The following KCNA6 variants were observed in gnomAD, a reference collection of about 807,000 sequenced individuals.
The protein encoded by KCNA6 is potassium voltage-gated channel subfamily A member 6.
KCNA6 carries 17 observed loss-of-function variants against 29.5 expected under a neutral mutation model. The observed-to-expected ratio is 0.58, with a 90% CI of 0.39 to 0.86. The LOEUF is 0.86. Among genes scored for constraint, KCNA6 ranks in the 40% least tolerant of loss-of-function variants. The pLI, the probability that KCNA6 is intolerant of heterozygous loss-of-function variation, is 0.00. For synonymous variants in KCNA6, 296 were observed against 304.7 expected (o/e 0.97, Z 0.30); for missense variants, 450 against 703.4 (o/e 0.64, Z 4.07).
chr12:4,810,775 C>T lies in KCNA6; in HGVS notation c.734C>T (p.Thr245Ile). Residue 245 changes from threonine (T) to isoleucine (I), a missense_variant, in exon 1 of 1, where the codon ACC (threonine) becomes ATC (isoleucine). Thr to Ile is a moderately conservative substitution (Grantham distance 89, BLOSUM62 -1). Transcript: ENST00000280684. The surrounding 1 kb of genome is among the most constrained non-coding windows in gnomAD (Gnocchi z 7.5). The stretch of plus-strand genomic sequence containing the variant: ...GGCATCACCCCTGGGGAAATGGGGA[C>T]CGGGGGCTCCTCCTCACTCAGTACT... 2 of 1,596,046 alleles carry T rather than the reference C, an allele frequency of 1.3e-6. No homozygotes were observed. Among genetic ancestry groups the T allele is most frequent in the Non-Finnish European group, 1.7e-6 (2 of 1,171,424 alleles).
chr12:4,846,548 A>G, the KCNA6 span, among the ~76,000 whole-genome samples: 2 of 152,002 alleles, frequency 1.3e-5, no homozygotes, highest in Non-Finnish European at 2.9e-5. Flanking sequence ...GGAGTTACTG[A>G]ACATCTTCTT....
the KCNA6 span, among the ~76,000 whole-genome samples, chr12:4,827,457 G>A: frequency 6.6e-6 from 1 of 152,330 alleles, no homozygotes; most frequent in East Asian, 1.9e-4. Flanking sequence ...ATATTAAGGA[G>A]AAGCAGGGGA....
chr12:4,843,329 C>T, the KCNA6 span, among the ~76,000 whole-genome samples: 9 of 151,922 alleles, frequency 5.9e-5, no homozygotes, highest in South Asian at 6.3e-4. Context: ...TACAGGCACC[C>T]GCCACCACGC....
downstream of KCNA6, among the ~76,000 whole-genome samples, chr12:4,815,464 A>G (rs1946673199): frequency 6.6e-6 from 1 of 152,164 alleles, no homozygotes; most frequent in African/African-American, 2.4e-5. Flanking sequence ...GGAGAGAATG[A>G]CCCTGAGAAG....
At chr12:4,840,237 A>G in the KCNA6 span, among the ~76,000 whole-genome samples, 1 of 70,398 alleles carries the variant, frequency 1.4e-5, no homozygotes, top group Non-Finnish European at 3.2e-5. Flanking sequence ...CTATCTATCT[A>G]TCTATCTCCT....
At chr12:4,809,789 T>G (rs2137569829) in exon 1 of KCNA6, 1 of 457,108 alleles carries the variant, frequency 2.2e-6, no homozygotes. Context: ...CAGTAAGCTC[T>G]AGCACCCGGG....
the KCNA6 span, among the ~76,000 whole-genome samples, chr12:4,847,116 C>T: frequency 1.3e-5 from 2 of 152,014 alleles, no homozygotes; most frequent in African/African-American, 4.8e-5. Flanking sequence ...CAAAGATTTC[C>T]CTCTGCCTCT....
chr12:4,847,400 A>G, the KCNA6 span, among the ~76,000 whole-genome samples: 3 of 151,960 alleles, frequency 2.0e-5, no homozygotes, highest in Non-Finnish European at 2.9e-5. Context: ...CTCTTTTTCT[A>G]TAACTCTGGA....
downstream of KCNA6, among the ~76,000 whole-genome samples, chr12:4,815,921 G>A (rs1946676823): frequency 6.6e-6 from 1 of 152,214 alleles, no homozygotes; most frequent in Non-Finnish European, 1.5e-5. Flanking sequence ...GTTGAAGGTT[G>A]TGCTATTACA....
exon 1 of KCNA6, chr12:4,809,907 T>A: frequency 9.3e-7 from 1 of 1,075,918 alleles, no homozygotes. Flanking sequence ...AACGGCCAGG[T>A]CAGACCGCGA....
At chr12:4,828,970 G>A in the KCNA6 span, among the ~76,000 whole-genome samples, 2 of 152,210 alleles carry the variant, frequency 1.3e-5, no homozygotes, top group African/African-American at 4.8e-5. Context: ...CCTCCCATTT[G>A]TGTGTTTGAC....
chr12:4,812,768 G>A (rs1353344921), exon 1 of KCNA6: 4 of 167,092 alleles, frequency 2.4e-5, no homozygotes, highest in African/African-American at 9.7e-5. Flanking sequence ...ATGTGGTTTA[G>A]AATAAGGAAC....
At chr12:4,827,501 C>G in the KCNA6 span, among the ~76,000 whole-genome samples, 2 of 152,262 alleles carry the variant, frequency 1.3e-5, no homozygotes, top group Non-Finnish European at 2.9e-5. Context: ...CCAGTATTCC[C>G]TGGGTCTCAG....
chr12:4,840,194 AT>A, the KCNA6 span, among the ~76,000 whole-genome samples: 34 of 38,446 alleles, frequency 8.8e-4, no homozygotes, highest in South Asian at 4.3e-3. Context: ...GATGATGATT[AT>A]TATCTATCTA....
chr12:4,823,689 C>T, the KCNA6 span, among the ~76,000 whole-genome samples: 1 of 152,126 alleles, frequency 6.6e-6, no homozygotes, highest in African/African-American at 2.4e-5. Flanking sequence ...ATTGCTTGCA[C>T]CAGGGAGGTG....
Position 4,811,307 on chromosome 12 carries a change from G to T in KCNA6, c.1266G>T (p.Thr422=), listed in dbSNP as rs769793591. The change falls in exon 1 of 1, where the codon ACG becomes ACT. Residue 422 remains threonine, a synonymous_variant. Coordinates refer to ENST00000280684, the Ensembl canonical transcript of KCNA6. The surrounding 1 kb of genome is among the most constrained non-coding windows in gnomAD (Gnocchi z 7.1). The stretch of plus-strand genomic sequence containing the variant: ...GGTGGGCAGTGGTTACAATGACCAC[G>T]GTAGGTTACGGGGACATGTACCCCA... 6.2e-7 allele frequency: 1 copy of T among 1,614,218 alleles called. No homozygotes were observed. The highest frequency in any genetic ancestry group is 2.2e-5 in the East Asian group (1 of 44,888).
chr12:4,835,225 C>T, the KCNA6 span, among the ~76,000 whole-genome samples: 2 of 151,224 alleles, frequency 1.3e-5, no homozygotes, highest in African/African-American at 4.9e-5. Flanking sequence ...AGCTCTGCCT[C>T]CCGGGTTCAC....
chr12:4,815,963 G>T (rs536116002), downstream of KCNA6, among the ~76,000 whole-genome samples: 7 of 152,160 alleles, frequency 4.6e-5, no homozygotes, highest in Non-Finnish European at 1.0e-4. Context: ...GGGGATAATA[G>T]AAATGCTGTG....
downstream of KCNA6, among the ~76,000 whole-genome samples, chr12:4,817,448 T>A (rs765498): frequency 0.11 from 16,753 of 152,252 alleles, 1,191 homozygotes; most frequent in East Asian, 0.21. Flanking sequence ...ATGTTTTTCA[T>A]GTCCCTTTGT....
Sources: gnomAD v4.1 joint callset for allele counts (sites outside exome capture counted in the v4.1 genomes callset) on GRCh38, gnomAD v4.1.1 for gene constraint, Gnocchi (gnomAD v3.1) non-coding constraint, MANE v1.5 for transcripts, NCBI Gene and HGNC (gene_info 2026-07-23, HGNC 2026-07-21) for gene names.